The following DCC variants were observed in gnomAD, a reference collection of about 807,000 sequenced individuals.
The protein encoded by DCC is netrin receptor DCC.
A neutral mutation model predicts 172.5 loss-of-function variants in DCC; 58 were observed. The ratio of observed to expected loss-of-function variants is 0.34; its 90% CI spans 0.27 to 0.42. The LOEUF is 0.42. Among genes scored for constraint, DCC ranks in the 10% least tolerant of loss-of-function variants. DCC has a pLI of 1.00. For missense variants in DCC, 1,740 were observed against 1,791.0 expected, an observed-to-expected ratio of 0.97 and a Z score of 0.51; for synonymous variants, 709 against 644.5, an observed-to-expected ratio of 1.10 and a Z score of -1.52.
intron 1 of DCC, among the ~76,000 whole-genome samples, chr18:52,563,936 CA>C (rs1023526348): frequency 1.3e-5 from 2 of 152,106 alleles, no homozygotes; most frequent in African/African-American, 4.8e-5. Context: ...AATTGACTTG[CA>C]AAAGCAAAGC....
At chr18:53,418,372 T>A (rs1910442762) in intron 21 of DCC, among the ~76,000 whole-genome samples, 2 of 152,092 alleles carry the variant, frequency 1.3e-5, no homozygotes, top group Non-Finnish European at 2.9e-5. Flanking sequence ...AGATTAAAGA[T>A]CCCTCTAAGA....
At chr18:52,968,018 T>C (rs1313823090) in intron 5 of DCC, among the ~76,000 whole-genome samples, 1 of 152,212 alleles carries the variant, frequency 6.6e-6, no homozygotes, top group South Asian at 2.1e-4. Context: ...TCTTTGTAGT[T>C]GTTAGAGCCA....
chr18:53,160,221 C>T (rs1274091759), intron 8 of DCC, among the ~76,000 whole-genome samples: 1 of 152,066 alleles, frequency 6.6e-6, no homozygotes, highest in Non-Finnish European at 1.5e-5. Flanking sequence ...ATGGTTATAC[C>T]ATGAACCTTG....
At chr18:52,647,151 A>G (rs2035034357) in intron 1 of DCC, among the ~76,000 whole-genome samples, 1 of 152,118 alleles carries the variant, frequency 6.6e-6, no homozygotes, top group African/African-American at 2.4e-5. Context: ...TGACCTTCTC[A>G]TCTGAACATG....
At chr18:52,498,086 G>C (rs2030872196) in intron 1 of DCC, among the ~76,000 whole-genome samples, 1 of 152,096 alleles carries the variant, frequency 6.6e-6, no homozygotes, top group Non-Finnish European at 1.5e-5. Context: ...ATTGACATTT[G>C]AATTTTGTAT....
chr18:52,685,668 T>C (rs1568040891), intron 1 of DCC, among the ~76,000 whole-genome samples: 1 of 152,110 alleles, frequency 6.6e-6, no homozygotes, highest in Non-Finnish European at 1.5e-5. Flanking sequence ...AATAGCATAA[T>C]AGTGTTTGTT....
chr18:52,770,035 A>G (rs1230611719), intron 2 of DCC, among the ~76,000 whole-genome samples: 2 of 152,146 alleles, frequency 1.3e-5, no homozygotes, highest in Admixed American at 1.3e-4. Context: ...CACAGAGGAG[A>G]GTTGTCTTTT....
At chr18:52,898,700 ATTT>A (rs5824974) in intron 2 of DCC, among the ~76,000 whole-genome samples, 3 of 148,512 alleles carry the variant, frequency 2.0e-5, no homozygotes, top group African/African-American at 7.4e-5. Context: ...TTTTTACCTC[ATTT>A]TTTTTTTTTT....
At chr18:52,369,668 T>C (rs1037899812) in intron 1 of DCC, among the ~76,000 whole-genome samples, 18 of 152,128 alleles carry the variant, frequency 1.2e-4, no homozygotes, top group African/African-American at 3.9e-4. Context: ...AAAGATATTA[T>C]ATAAACCAAA....
chr18:52,774,032 C>A (rs902905853), intron 2 of DCC, among the ~76,000 whole-genome samples: 8 of 152,144 alleles, frequency 5.3e-5, no homozygotes, highest in Non-Finnish European at 8.8e-5. Context: ...TGGGGCCTGG[C>A]AAACCACTCT....
At chr18:52,864,549 A>T (rs923987484) in intron 2 of DCC, among the ~76,000 whole-genome samples, 4 of 151,970 alleles carry the variant, frequency 2.6e-5, no homozygotes, top group African/African-American at 9.7e-5. Flanking sequence ...GAGTTCTGGG[A>T]TATATGTGCA....
chr18:53,222,383 C>CTTTTTTTTTTTTTTTTT (rs67373546), intron 12 of DCC, among the ~76,000 whole-genome samples: 1 of 104,216 alleles, frequency 9.6e-6, no homozygotes, highest in African/African-American at 4.2e-5. Context: ...TTTCTTTTTT[C>CTTTTTTTTTTTTTTTTT]TTTTTTTTTT....
rs76365944 is a variant in DCC at position 53,472,440 on chromosome 18, T to C, written c.3736+4430T>C. ...GAAAGATACTGTGCACTTAGTTGCC[T>C]TTTTTCCCCTCTAGTTGCACTCCTC... On this transcript the variant is annotated intron_variant, in intron 25 of 28. Transcript: ENST00000442544. 3.8e-3 allele frequency among the ~76,000 whole-genome samples: 586 copies of C among 152,294 alleles called. 12 individuals are homozygous for C. The East Asian group carries it at 0.061, about 16-fold the overall frequency.
intron 7 of DCC, among the ~76,000 whole-genome samples, chr18:53,104,733 C>T (rs1208068688): frequency 6.6e-6 from 1 of 151,984 alleles, no homozygotes; most frequent in Non-Finnish European, 1.5e-5. Context: ...GATTAATTAA[C>T]CAATGAGTAA....
At chr18:53,050,423 AT>A (rs986272284) in intron 5 of DCC, among the ~76,000 whole-genome samples, 4 of 152,084 alleles carry the variant, frequency 2.6e-5, no homozygotes, top group African/African-American at 9.6e-5. Flanking sequence ...AATGTTTTCC[AT>A]TTTTTTGTGT....
intron 5 of DCC, among the ~76,000 whole-genome samples, chr18:52,979,629 C>T (rs2041174409): frequency 6.6e-6 from 1 of 152,124 alleles, no homozygotes; most frequent in Non-Finnish European, 1.5e-5. Context: ...CAAAGAATAG[C>T]AAATAACAAC....
intron 1 of DCC, among the ~76,000 whole-genome samples, chr18:52,570,580 CAA>C (rs1222923725): frequency 6.6e-6 from 1 of 152,054 alleles, no homozygotes; most frequent in Non-Finnish European, 1.5e-5. Flanking sequence ...TAGGGAATAT[CAA>C]AAGTGAAAAC....
At chr18:52,779,375 A>G (rs976514397) in intron 2 of DCC, among the ~76,000 whole-genome samples, 1 of 151,624 alleles carries the variant, frequency 6.6e-6, no homozygotes, top group Non-Finnish European at 1.5e-5. Flanking sequence ...TAATTGTTCA[A>G]CTCCCATTTA....
intron 5 of DCC, among the ~76,000 whole-genome samples, chr18:52,948,196 T>A (rs1219461139): frequency 6.6e-6 from 1 of 152,216 alleles, no homozygotes; most frequent in African/African-American, 2.4e-5. Flanking sequence ...TTTATTTTTG[T>A]GTACAATAGC....
Sources: allele counts gnomAD v4.1 joint callset (sites outside exome capture counted in the v4.1 genomes callset), GRCh38; gene constraint gnomAD v4.1.1; transcripts MANE v1.5; gene names NCBI Gene and HGNC (gene_info 2026-07-23, HGNC 2026-07-21).